CFAP54: variants seen among roughly 807,000 people sequenced by gnomAD.
CFAP54 encodes the protein cilia- and flagella-associated protein 54.
CFAP54 carries 290 observed loss-of-function variants against 370.4 expected under a neutral mutation model. The observed-to-expected ratio is 0.78, with a 90% CI of 0.71 to 0.86. The LOEUF is 0.86. Ranked by LOEUF, CFAP54 falls within the 40% of genes least tolerant of loss-of-function variation. CFAP54 has a pLI of 0.00. For synonymous variants in CFAP54, 1,206 were observed against 1,236.5 expected (o/e 0.98, Z 0.52); for missense variants, 3,399 against 3,528.7 (o/e 0.96, Z 0.93).
intron 66 of CFAP54, among the ~76,000 whole-genome samples, chr12:96,848,858 G>A (rs1393989820): frequency 4.6e-5 from 7 of 152,194 alleles, no homozygotes; most frequent in Admixed American, 3.3e-4. Context: ...AAATTTCTAT[G>A]GTTTGGCAGA....
chr12:96,603,849 C>T (rs376668727), intron 26 of CFAP54, among the ~76,000 whole-genome samples: 21 of 152,146 alleles, frequency 1.4e-4, no homozygotes, highest in Admixed American at 6.5e-5. Flanking sequence ...TCTAGTTAGC[C>T]GTTCGTCTAA....
intron 6 of CFAP54, among the ~76,000 whole-genome samples, chr12:96,520,366 A>G (rs1955292070): frequency 6.6e-6 from 1 of 152,072 alleles, no homozygotes; most frequent in Non-Finnish European, 1.5e-5. Context: ...CAACATGGTG[A>G]AACCCTGTCT....
At chr12:96,616,428 G>A (rs965218244) in intron 26 of CFAP54, among the ~76,000 whole-genome samples, 10 of 152,126 alleles carry the variant, frequency 6.6e-5, no homozygotes, top group Non-Finnish European at 1.0e-4. Flanking sequence ...GAGTTAATGG[G>A]CGCAGCACAC....
intron 66 of CFAP54, among the ~76,000 whole-genome samples, chr12:96,856,772 C>T (rs1157950990): frequency 6.6e-6 from 1 of 152,182 alleles, no homozygotes; most frequent in Non-Finnish European, 1.5e-5. Flanking sequence ...TCTTCTGAGC[C>T]CTCCAAACTG....
At chr12:96,614,271 T>TATC (rs1351443508) in intron 26 of CFAP54, among the ~76,000 whole-genome samples, 3 of 152,224 alleles carry the variant, frequency 2.0e-5, no homozygotes, top group African/African-American at 7.2e-5. Context: ...ATCACATGAT[T>TATC]ATCTCAATAG....
At chr12:96,844,243 T>G (rs1351364637) in intron 66 of CFAP54, among the ~76,000 whole-genome samples, 1 of 152,038 alleles carries the variant, frequency 6.6e-6, no homozygotes, top group Non-Finnish European at 1.5e-5. Context: ...ATGATCCAGG[T>G]GATCTCTAAA....
intron 60 of CFAP54, among the ~76,000 whole-genome samples, chr12:96,771,247 C>G (rs1180079834): frequency 6.6e-6 from 1 of 152,158 alleles, no homozygotes; most frequent in African/African-American, 2.4e-5. Context: ...CAGAAACCAG[C>G]TAACTATATA....
chr12:96,754,011 AG>A, intron 56 of CFAP54, 113 bp downstream of exon 56: 1 of 1,065,340 alleles, frequency 9.4e-7, no homozygotes, highest in Non-Finnish European at 1.3e-6. Context: ...AAACATACAA[AG>A]GGCTTAGAGA....
intron 32 of CFAP54, among the ~76,000 whole-genome samples, chr12:96,640,502 A>T (rs1404578924): frequency 6.6e-6 from 1 of 152,244 alleles, no homozygotes; most frequent in Non-Finnish European, 1.5e-5. Context: ...CATACTGCCC[A>T]AGGTAATTTA....
intron 2 of CFAP54, among the ~76,000 whole-genome samples, chr12:96,503,249 CTCTT>C (rs1272819206): frequency 6.9e-6 from 1 of 143,938 alleles, no homozygotes. Flanking sequence ...TTCTCTCTCT[CTCTT>C]TCACTTCCTT....
At chr12:96,563,664 G>A (rs10507073) in intron 17 of CFAP54, among the ~76,000 whole-genome samples, 15,299 of 152,102 alleles carry the variant, frequency 0.1, 1,256 homozygotes, top group East Asian at 0.45. Context: ...ATCTTTTCAC[G>A]AATCAATTAC....
intron 26 of CFAP54, among the ~76,000 whole-genome samples, chr12:96,615,377 A>C (rs1296919559): frequency 7.2e-5 from 11 of 152,356 alleles, no homozygotes; most frequent in Middle Eastern, 3.4e-3. Context: ...TGGATTAAAG[A>C]CTTAAATGTT....
Position 96,506,983 on chromosome 12 carries a change from A to C in CFAP54, c.623A>C (p.Asp208Ala), listed in dbSNP as rs562745580. ...MCNYQLVCDS[D>A]ENLKNKESVV... The stretch of plus-strand genomic sequence containing the variant: ...AACTACCAGCTGGTCTGCGACAGTG[A>C]TGAAAACCTGAAGAATAAAGAATCT... The change falls in exon 4 of 68, where the codon GAT becomes GCT. Residue 208 changes from aspartate to alanine, a missense_variant. Asp to Ala is a moderately radical substitution (Grantham distance 126, BLOSUM62 -2). Coordinates refer to ENST00000524981, the MANE Select transcript of CFAP54 (RefSeq NM_001306084.2). 3.3e-6 allele frequency: 5 copies of C among 1,535,990 alleles called. No individual in the cohort carries two copies. In the East Asian group the frequency reaches 1.2e-4, roughly 38 times the overall value.
chr12:96,574,516 A>G (rs1175816883), intron 19 of CFAP54, among the ~76,000 whole-genome samples: 1 of 152,052 alleles, frequency 6.6e-6, no homozygotes, highest in Admixed American at 6.6e-5. Flanking sequence ...TAAAATTAAT[A>G]TTTTTAAATA....
At position 96,521,279 on chromosome 12, in the gene CFAP54, G is replaced by A. The variant is rs572020426; in HGVS notation, c.943-578G>A. The stretch of plus-strand genomic sequence containing the variant: ...CTTAATAACTCCTTTGAACTCATTT[G>A]TTATCTCTAGAGGATTATAATAATG... On this transcript the variant is annotated intron_variant, in intron 6 of 67. Coordinates refer to ENST00000524981, the MANE Select transcript of CFAP54 (RefSeq NM_001306084.2). Among the ~76,000 whole-genome samples the A allele has an allele frequency of 2.3e-4, 35 of 152,276 alleles. No homozygotes were observed. The South Asian group carries it at 6.0e-3, about 26-fold the overall frequency.
intron 24 of CFAP54, among the ~76,000 whole-genome samples, chr12:96,593,410 T>C (rs896437696): frequency 6.6e-6 from 1 of 152,152 alleles, no homozygotes; most frequent in Non-Finnish European, 1.5e-5. Flanking sequence ...CCTTGTTACA[T>C]GGGACTATGC....
chr12:96,681,113 ACC>A (rs747059710), intron 40 of CFAP54, among the ~76,000 whole-genome samples: 1 of 137,456 alleles, frequency 7.3e-6, no homozygotes, highest in African/African-American at 2.7e-5. Flanking sequence ...ACAGAAAAGC[ACC>A]CCCCCACACA....
chr12:96,659,565 A>T (rs1470063987), intron 38 of CFAP54, among the ~76,000 whole-genome samples: 1 of 152,394 alleles, frequency 6.6e-6, no homozygotes, highest in South Asian at 2.1e-4. Flanking sequence ...CAACGCAATT[A>T]TAAAATATCA....
intron 6 of CFAP54, among the ~76,000 whole-genome samples, chr12:96,521,598 C>G (rs1955320456): frequency 6.6e-6 from 1 of 151,776 alleles, no homozygotes; most frequent in Non-Finnish European, 1.5e-5. Flanking sequence ...AAGCGATAAT[C>G]TGTATGGAGC....
Sources: allele counts gnomAD v4.1 joint callset (sites outside exome capture counted in the v4.1 genomes callset), GRCh38; gene constraint gnomAD v4.1.1; transcripts MANE v1.5; gene names NCBI Gene and HGNC (gene_info 2026-07-23, HGNC 2026-07-21).